The following NPAS3 variants were observed in gnomAD, a reference collection of about 807,000 sequenced individuals.
NPAS3 encodes the protein neuronal PAS domain-containing protein 3.
A neutral mutation model predicts 73.1 loss-of-function variants in NPAS3; 14 were observed. That is an observed-to-expected ratio of 0.19 (90% confidence interval 0.13 to 0.30). The LOEUF (loss-of-function observed/expected upper bound fraction) is 0.30. Ranked by LOEUF, NPAS3 falls within the 10% of genes least tolerant of loss-of-function variation. The pLI is 1.00. For synonymous variants in NPAS3, 620 were observed against 541.5 expected, an observed-to-expected ratio of 1.14 and a Z score of -2.01; for missense variants, 1,096 against 1,250.0, an observed-to-expected ratio of 0.88 and a Z score of 1.86.
At chr14:33,602,323 A>G (rs1419968532) in intron 5 of NPAS3, among the ~76,000 whole-genome samples, 1 of 152,212 alleles carries the variant, frequency 6.6e-6, no homozygotes, top group Non-Finnish European at 1.5e-5. Flanking sequence ...CAGACTGGAA[A>G]CCATTAAGAC....
At chr14:33,095,308 A>C (rs910292652) in intron 2 of NPAS3, among the ~76,000 whole-genome samples, 1 of 152,240 alleles carries the variant, frequency 6.6e-6, no homozygotes, top group Admixed American at 6.5e-5. Flanking sequence ...GGCAGGCAGC[A>C]TGTACTTGTT....
chr14:33,053,125 G>A (rs560222323), intron 1 of NPAS3, among the ~76,000 whole-genome samples: 3 of 152,274 alleles, frequency 2.0e-5, no homozygotes, highest in South Asian at 2.1e-4. Flanking sequence ...GCCAACTGTA[G>A]GACTTGCCCG....
chr14:33,769,756 CTTTTTTTT>C (rs916953785), intron 7 of NPAS3, among the ~76,000 whole-genome samples: 3 of 81,854 alleles, frequency 3.7e-5, no homozygotes, highest in African/African-American at 1.4e-4. Flanking sequence ...TTTTTTTTTT[CTTTTTTTT>C]TTTTTTTTTT....
intron 2 of NPAS3, among the ~76,000 whole-genome samples, chr14:33,071,451 CTT>C (rs1405813880): frequency 6.6e-6 from 1 of 152,110 alleles, no homozygotes; most frequent in African/African-American, 2.4e-5. Flanking sequence ...TTAATTGAGA[CTT>C]TTAATCATAC....
At chr14:33,784,220 G>A (rs772091067) in intron 9 of NPAS3, among the ~76,000 whole-genome samples, 16 of 152,118 alleles carry the variant, frequency 1.1e-4, no homozygotes, top group Non-Finnish European at 1.9e-4. Context: ...ATGAGCAGTC[G>A]TTTTTTTCCT....
chr14:33,650,307 G>A (rs945603448), intron 5 of NPAS3, among the ~76,000 whole-genome samples: 3 of 152,186 alleles, frequency 2.0e-5, no homozygotes, highest in African/African-American at 7.2e-5. Context: ...TGCACAGACA[G>A]ACAGGATGTT....
At chr14:33,541,400 G>A (rs575351348) in intron 4 of NPAS3, among the ~76,000 whole-genome samples, 2 of 152,092 alleles carry the variant, frequency 1.3e-5, no homozygotes, top group Non-Finnish European at 2.9e-5. Flanking sequence ...AGTAAATGCC[G>A]CTTAAAGCTG....
intron 2 of NPAS3, among the ~76,000 whole-genome samples, chr14:33,160,902 G>A (rs1399638889): frequency 1.3e-5 from 2 of 152,098 alleles, no homozygotes; most frequent in African/African-American, 4.8e-5. Context: ...CAACTGATGT[G>A]TTTCATTCAC....
intron 3 of NPAS3, among the ~76,000 whole-genome samples, chr14:33,350,166 C>T (rs1021490295): frequency 6.6e-6 from 1 of 152,048 alleles, no homozygotes; most frequent in Non-Finnish European, 1.5e-5. Context: ...GGACAGGGTC[C>T]GTTAAGTTTG....
intron 5 of NPAS3, among the ~76,000 whole-genome samples, chr14:33,671,825 C>G (rs1299591482): frequency 6.6e-6 from 1 of 152,150 alleles, no homozygotes; most frequent in Non-Finnish European, 1.5e-5. Flanking sequence ...GGTCTGTTAT[C>G]TTGAGTTTCA....
rs144895608 is a variant in NPAS3 at position 33,576,714 on chromosome 14, A to AT, written c.558+16504_558+16505insT. Among the ~76,000 whole-genome samples, 2,110 of 152,314 alleles carry AT rather than the reference A, an allele frequency of 0.014. 109 individuals are homozygous for AT. The East Asian group carries it at 0.2, about 14-fold the overall frequency. On this transcript the variant is annotated intron_variant, in intron 5 of 11. Coordinates refer to ENST00000356141, the Ensembl canonical transcript of NPAS3. ...TTTAACATGATGATCAGAAAGGGCCACTTTAAAAATGCCCTCTTCTGATAC... is the reference window on the plus strand; with the variant it reads ...TTTAACATGATGATCAGAAAGGGCCATCTTTAAAAATGCCCTCTTCTGATAC...
intron 4 of NPAS3, among the ~76,000 whole-genome samples, chr14:33,386,639 A>AACC (rs2046786695): frequency 3.3e-5 from 5 of 152,068 alleles, no homozygotes; most frequent in Non-Finnish European, 7.4e-5. Context: ...CAGTATTGGG[A>AACC]ACCCATTTAT....
At chr14:33,415,300 T>C (rs905551455) in intron 4 of NPAS3, among the ~76,000 whole-genome samples, 6 of 152,166 alleles carry the variant, frequency 3.9e-5, no homozygotes, top group Admixed American at 3.9e-4. Flanking sequence ...TCTCTTTCTG[T>C]TATTCCTGGA....
intron 3 of NPAS3, among the ~76,000 whole-genome samples, chr14:33,218,594 G>A (rs186542947): frequency 2.0e-5 from 3 of 152,210 alleles, no homozygotes; most frequent in Non-Finnish European, 4.4e-5. Flanking sequence ...GCAATAAAAC[G>A]ATAGACATTA....
At chr14:33,668,578 C>T (rs552700657) in intron 5 of NPAS3, among the ~76,000 whole-genome samples, 2 of 152,096 alleles carry the variant, frequency 1.3e-5, no homozygotes, top group African/African-American at 2.4e-5. Context: ...CACTTTGGGA[C>T]GTTGAGGCAG....
chr14:33,558,193 G>T (rs1039145604), intron 4 of NPAS3, among the ~76,000 whole-genome samples: 1 of 152,164 alleles, frequency 6.6e-6, no homozygotes, highest in African/African-American at 2.4e-5. Context: ...GAAATCAGAG[G>T]AGGGGATTGG....
chr14:33,126,748 T>TTGTA lies in NPAS3; in HGVS notation c.140+70755_140+70758dup, dbSNP rs767183131. Among the ~76,000 whole-genome samples, 81 of 152,184 alleles carry TTGTA rather than the reference T, an allele frequency of 5.3e-4. No individual in the cohort carries two copies. The Middle Eastern group carries it at 0.01, about 19-fold the overall frequency. ...TGGTAGGTTCCTCTGTCACTTAATA[T>TTGTA]TGTAACAAGCATGTACAGAACACCT... On this transcript the variant is annotated intron_variant, in intron 2 of 11. Transcript: ENST00000356141.
chr14:33,482,193 A>G (rs2051363837), intron 4 of NPAS3, among the ~76,000 whole-genome samples: 1 of 152,212 alleles, frequency 6.6e-6, no homozygotes, highest in Non-Finnish European at 1.5e-5. Context: ...ACCAAAGGTG[A>G]GTAATGAGTC....
At chr14:33,765,418 C>T (rs888756049) in intron 7 of NPAS3, among the ~76,000 whole-genome samples, 1 of 152,090 alleles carries the variant, frequency 6.6e-6, no homozygotes, top group Non-Finnish European at 1.5e-5. Flanking sequence ...CAGCCAGGGG[C>T]CGGCTGGGCT....
Sources: allele counts gnomAD v4.1 joint callset (sites outside exome capture counted in the v4.1 genomes callset), GRCh38; gene constraint gnomAD v4.1.1; transcripts MANE v1.5; gene names NCBI Gene and HGNC (gene_info 2026-07-23, HGNC 2026-07-21).